The following CEP41 variants were observed in gnomAD, a reference collection of about 807,000 sequenced individuals.
CEP41 encodes the protein centrosomal protein 41, also known as centrosomal protein of 41 kDa.
Under a neutral mutation model 44.3 loss-of-function variants are expected in CEP41, and 32 were observed. That is an observed-to-expected ratio of 0.72 (90% CI 0.54 to 0.97). The LOEUF is 0.97. Among genes scored for constraint, CEP41 ranks in the 50% least tolerant of loss-of-function variants. The probability of loss-of-function intolerance (pLI) is 0.00; values close to 1 mark genes in which losing one functional copy is unlikely to be tolerated. For missense variants in CEP41, 432 were observed against 455.2 expected (o/e 0.95, Z 0.46); for synonymous variants, 151 against 168.5 (o/e 0.90, Z 0.80).
chr7:130,396,927 G>A lies in CEP41; in HGVS notation c.*1964C>T, dbSNP rs1401257601. 6.6e-6 allele frequency: 3 copies of A among 452,906 alleles called. No homozygotes were observed. Among genetic ancestry groups the A allele is most frequent in the African/African-American group, 6.0e-5 (3 of 49,842 alleles). The allele number at this position is 452,906 out of a possible 1,614,324, so 28.1% of individuals were successfully genotyped here. On this transcript the variant is annotated 3_prime_UTR_variant, in exon 11 of 11. Transcript: ENST00000223208. ...GATGGGAACGCAGAATCGGAACAAG[G>A]AGGGAAGACCATTTACTTTCAAAAT... is the stretch of plus-strand genomic sequence containing the variant.
At chr7:130,428,525 A>C (rs1797734006) in intron 1 of CEP41, among the ~76,000 whole-genome samples, 1 of 151,172 alleles carries the variant, frequency 6.6e-6, no homozygotes, top group Admixed American at 6.6e-5. Context: ...TCCATAGCTG[A>C]ATATATTTAT....
At position 130,398,801 on chromosome 7, in the gene CEP41, C is replaced by G; in HGVS notation, c.*90G>C. 4 of 1,462,056 alleles carry G rather than the reference C, an allele frequency of 2.7e-6. No homozygotes were observed. The highest frequency in any genetic ancestry group is 1.7e-4 in the Middle Eastern group (1 of 5,796). 90.6% of individuals were successfully genotyped at this position (1,462,056 alleles called of 1,614,324 possible). ...TACATATGTCATGGTCTTTCCTCTG[C>G]AGAAGTTTCTGGAAATGACCCAACT... is the stretch of plus-strand genomic sequence containing the variant. On this transcript the variant is annotated 3_prime_UTR_variant, in exon 11 of 11. Coordinates refer to ENST00000223208, the MANE Select transcript of CEP41 (RefSeq NM_018718.3).
intron 2 of CEP41, among the ~76,000 whole-genome samples, chr7:130,422,269 T>C (rs1554422401): frequency 1.3e-5 from 2 of 152,200 alleles, no homozygotes; most frequent in Non-Finnish European, 2.9e-5. Flanking sequence ...GAAAGACCCA[T>C]CTATTTAGCC....
intron 9 of CEP41, chr7:130,400,479 T>A: frequency 1.6e-6 from 1 of 638,072 alleles, no homozygotes; most frequent in South Asian, 1.9e-5. Flanking sequence ...TGCTCGAGTC[T>A]TCAGCATTAG....
At chr7:130,436,062 G>A (rs536352049) in intron 1 of CEP41, among the ~76,000 whole-genome samples, 36 of 152,330 alleles carry the variant, frequency 2.4e-4, no homozygotes, top group African/African-American at 8.2e-4. Flanking sequence ...GCTGAGGCAG[G>A]AGAATCACTT....
chr7:130,441,293 G>C, upstream of CEP41: 1 of 458,344 alleles, frequency 2.2e-6, no homozygotes, highest in Non-Finnish European at 4.0e-6. Context: ...GCAAAGCCGG[G>C]GGCGGGGGCA....
At chr7:130,410,316 T>G (rs1010257700) in intron 5 of CEP41, among the ~76,000 whole-genome samples, 3 of 151,938 alleles carry the variant, frequency 2.0e-5, no homozygotes, top group African/African-American at 2.4e-5. Flanking sequence ...GGTGAGGCAC[T>G]GGGCGTGAGG....
rs1554414094 is a variant in CEP41, at chr7:130,395,393, T to C, written c.*3498A>G. On this transcript the variant is annotated 3_prime_UTR_variant, in exon 11 of 11. Coordinates refer to ENST00000223208, the MANE Select transcript of CEP41 (RefSeq NM_018718.3). ...AAAAAGTATCGTGGGAGTTAAATCT[T>C]TGAAAGAATTGGGAAGAAAATAAAC... 4 of 454,108 alleles carry C rather than the reference T, an allele frequency of 8.8e-6. No homozygotes were observed. Among genetic ancestry groups the C allele is most frequent in the Non-Finnish European group, 1.8e-5 (4 of 226,784 alleles). 28.1% of individuals were successfully genotyped at this position (454,108 alleles called of 1,614,324 possible). A position where few individuals can be genotyped will look rare whatever the true frequency, so the allele number is the denominator to read the frequency against.
At chr7:130,409,744 G>T (rs992901816) in intron 5 of CEP41, among the ~76,000 whole-genome samples, 2 of 152,156 alleles carry the variant, frequency 1.3e-5, no homozygotes, top group East Asian at 3.9e-4. Context: ...CTTTTCATGA[G>T]AGTACAACTA....
chr7:130,441,199 C>T (rs1554427835), upstream of CEP41: 2 of 548,272 alleles, frequency 3.6e-6, no homozygotes, highest in South Asian at 3.1e-5. Flanking sequence ...CTAGCGAGGC[C>T]TTTTGTTCTC....
chr7:130,427,893 G>A (rs797040387), intron 2 of CEP41, 62 bp downstream of exon 2: 1 of 1,094,436 alleles, frequency 9.1e-7, no homozygotes, highest in African/African-American at 1.5e-5. Flanking sequence ...ATGTGGGGTT[G>A]CTTTCTGTCA....
intron 5 of CEP41, among the ~76,000 whole-genome samples, chr7:130,407,741 G>A (rs1354415410): frequency 3.3e-5 from 5 of 152,088 alleles, no homozygotes; most frequent in African/African-American, 7.2e-5. Context: ...ATTACAAAAT[G>A]TAGGTAAATA....
intron 6 of CEP41, 118 bp downstream of exon 6, chr7:130,404,446 G>A (rs1796945320): frequency 2.5e-6 from 2 of 791,256 alleles, no homozygotes; most frequent in South Asian, 1.5e-5. Flanking sequence ...ATTAAAATGT[G>A]AGACTTTACT....
chr7:130,434,304 T>C (rs1797901882), intron 1 of CEP41, among the ~76,000 whole-genome samples: 1 of 152,100 alleles, frequency 6.6e-6, no homozygotes. Context: ...GTGAATTACA[T>C]CTCAAAAAAG....
rs989008301 is a variant in CEP41 at position 130,395,542 on chromosome 7, G to A, written c.*3349C>T. On this transcript the variant is annotated 3_prime_UTR_variant, in exon 11 of 11. Coordinates refer to ENST00000223208, the MANE Select transcript of CEP41 (RefSeq NM_018718.3). ...CCAGGTGGACAGAAACTAATTATTC[G>A]CTCTAAAAAAGTCAGATAACATAAA... 4.4e-6 allele frequency: 2 copies of A among 453,830 alleles called. No individual in the cohort carries two copies. The highest frequency in any genetic ancestry group is 6.9e-5 in the East Asian group (1 of 14,404). The allele number at this position is 453,830 out of a possible 1,614,324, so 28.1% of individuals were successfully genotyped here.
intron 1 of CEP41, among the ~76,000 whole-genome samples, chr7:130,440,210 G>A (rs1286754334): frequency 6.6e-6 from 1 of 152,042 alleles, no homozygotes; most frequent in East Asian, 1.9e-4. Context: ...TAGTAGAGAC[G>A]GGGTTTCGCC....
Position 130,439,023 on chromosome 7 carries a change from T to C in CEP41, c.33+1911A>G, listed in dbSNP as rs116596208. Among the ~76,000 whole-genome samples, 886 of 152,318 alleles carry C rather than the reference T, an allele frequency of 5.8e-3. 6 individuals are homozygous for C. The highest frequency in any genetic ancestry group is 0.02 in the African/African-American group (842 of 41,556). On this transcript the variant is annotated intron_variant, in intron 1 of 10. Transcript: ENST00000223208. ...TGAAATCTACAATATAGTTGAACTT[T>C]GGACAACATGGGCTTGAACTGTGCA...
rs1442686082 is a variant in CEP41 at position 130,410,923 on chromosome 7, G to A, written c.277+199C>T. ...AACATTTAAAACTGTAAGTGTTAGA[G>A]TCAGAAAACCAGATGGCTTTTTAAA... On this transcript the variant is annotated intron_variant, in intron 5 of 10. Transcript: ENST00000223208. 3 of 633,546 alleles carry A rather than the reference G, an allele frequency of 4.7e-6. No individual in the cohort carries two copies. The African/African-American group carries it at 5.5e-5, about 12-fold the overall frequency. 39.2% of individuals were successfully genotyped at this position (633,546 alleles called of 1,614,324 possible). A position where few individuals can be genotyped will look rare whatever the true frequency, so the allele number is the denominator to read the frequency against.
upstream of CEP41, chr7:130,441,120 CTCTCA>C (rs1388423476): frequency 3.7e-6 from 3 of 807,194 alleles, no homozygotes; most frequent in East Asian, 5.2e-5. Flanking sequence ...CCCGTTTACT[CTCTCA>C]TCTCAGGGTC....
Sources: gnomAD v4.1 joint callset for allele counts (sites outside exome capture counted in the v4.1 genomes callset) on GRCh38, gnomAD v4.1.1 for gene constraint, MANE v1.5 for transcripts, NCBI Gene and HGNC (gene_info 2026-07-23, HGNC 2026-07-21) for gene names.